SYT9: variants seen among roughly 807,000 people sequenced by gnomAD.
SYT9 encodes the protein synaptotagmin 9, also known as synaptotagmin-9.
Under a neutral mutation model 48.4 loss-of-function variants are expected in SYT9, and 22 were observed. The ratio of observed to expected loss-of-function variants is 0.45; its 90% confidence interval spans 0.32 to 0.65. The LOEUF (loss-of-function observed/expected upper bound fraction) is 0.65. Ranked by LOEUF, SYT9 falls within the 30% of genes least tolerant of loss-of-function variation. The pLI, the probability that SYT9 is intolerant of heterozygous loss-of-function variation, is 0.03. For missense variants in SYT9, 577 were observed against 622.0 expected (o/e 0.93, Z 0.77); for synonymous variants, 265 against 245.0 (o/e 1.08, Z -0.76).
chr11:7,282,167 C>G (rs1384161646), intron 1 of SYT9, among the ~76,000 whole-genome samples: 3 of 152,100 alleles, frequency 2.0e-5, no homozygotes, highest in African/African-American at 4.8e-5. Context: ...TCCACTCATT[C>G]CAGGTTAGGG....
At chr11:7,282,802 G>A (rs1281274261) in intron 1 of SYT9, among the ~76,000 whole-genome samples, 5 of 152,024 alleles carry the variant, frequency 3.3e-5, no homozygotes, top group Non-Finnish European at 5.9e-5. Context: ...AATTTGGAAT[G>A]TTTCAGCCTC....
chr11:7,281,533 G>A (rs16924319), intron 1 of SYT9, among the ~76,000 whole-genome samples: 6,369 of 152,242 alleles, frequency 0.042, 177 homozygotes, highest in East Asian at 0.1. Context: ...TCTGTAAAAG[G>A]GTATTCAGTT....
chr11:7,406,030 T>C (rs1450543183), intron 3 of SYT9, among the ~76,000 whole-genome samples: 1 of 152,158 alleles, frequency 6.6e-6, no homozygotes, highest in Non-Finnish European at 1.5e-5. Context: ...AGAGCTTACA[T>C]TCCTTTTTTT....
intron 3 of SYT9, among the ~76,000 whole-genome samples, chr11:7,330,251 CA>C (rs1337767488): frequency 6.6e-6 from 1 of 152,028 alleles, no homozygotes; most frequent in African/African-American, 2.4e-5. Flanking sequence ...CACACAATAG[CA>C]TGGATGGATA....
intron 1 of SYT9, among the ~76,000 whole-genome samples, chr11:7,265,022 CT>C (rs1848152448): frequency 6.6e-6 from 1 of 152,080 alleles, no homozygotes; most frequent in South Asian, 2.1e-4. Flanking sequence ...TTAATTTTTA[CT>C]TAAGCAGAAG....
intron 1 of SYT9, among the ~76,000 whole-genome samples, chr11:7,270,673 C>T (rs1415326503): frequency 6.6e-6 from 1 of 152,176 alleles, no homozygotes; most frequent in Non-Finnish European, 1.5e-5. Flanking sequence ...TTAATATCTT[C>T]TGATTTAACA....
upstream of SYT9, among the ~76,000 whole-genome samples, chr11:7,250,258 T>G (rs1847843296): frequency 6.6e-6 from 1 of 152,256 alleles, no homozygotes; most frequent in Non-Finnish European, 1.5e-5. Context: ...TTTTCAAATT[T>G]GGATGTTTCT....
intron 2 of SYT9, 71 bp downstream of exon 2, chr11:7,303,461 C>T: frequency 7.6e-7 from 1 of 1,317,730 alleles, no homozygotes; most frequent in Non-Finnish European, 1.0e-6. Context: ...AACAATAGCA[C>T]TGATAGGTCA....
At chr11:7,398,880 A>G (rs757706956) in intron 3 of SYT9, among the ~76,000 whole-genome samples, 2 of 152,130 alleles carry the variant, frequency 1.3e-5, no homozygotes, top group African/African-American at 2.4e-5. Context: ...TTTAGCTGTG[A>G]TGTGTCTTCT....
At position 7,449,933 on chromosome 11, in the gene SYT9, G is replaced by A. The variant is rs185239835; in HGVS notation, c.1468-16859G>A. ...CTGCCCAACTACCACCCCCTCCCCTGTGCCCAGCTAACTTCTCAACTCCTG... is the reference window on the plus strand; with the variant it reads ...CTGCCCAACTACCACCCCCTCCCCTATGCCCAGCTAACTTCTCAACTCCTG... On this transcript the variant is annotated intron_variant, in intron 6 of 6. Transcript: ENST00000318881. 1.4e-4 allele frequency among the ~76,000 whole-genome samples: 21 copies of A among 151,990 alleles called. No individual in the cohort carries two copies. In the East Asian group the frequency reaches 4.1e-3, roughly 29 times the overall value.
Position 7,313,303 on chromosome 11 carries a change from T to C in SYT9, c.498-92T>C, listed in dbSNP as rs1335646693. On this transcript the variant is annotated intron_variant, in intron 2 of 6. Coordinates refer to ENST00000318881, the MANE Select transcript of SYT9 (RefSeq NM_175733.4). ...CCACAGATCTAAGCTCCTGACAAAA[T>C]ATAACAGTCTACCTACATCCCAGGC... 4 of 1,335,202 alleles carry C rather than the reference T, an allele frequency of 3.0e-6. No homozygotes were observed. In the African/African-American group the frequency reaches 6.0e-5, roughly 20 times the overall value. 82.7% of individuals were successfully genotyped at this position (1,335,202 alleles called of 1,614,324 possible). A position where few individuals can be genotyped will look rare whatever the true frequency, so the allele number is the denominator to read the frequency against.
chr11:7,441,171 C>T (rs1847823349), intron 6 of SYT9: 1 of 152,252 alleles, frequency 6.6e-6, no homozygotes, highest in Non-Finnish European at 1.5e-5. Flanking sequence ...ATGTGCTATA[C>T]ATGCCTGAAG....
chr11:7,430,023 A>G (rs190677631), intron 6 of SYT9, among the ~76,000 whole-genome samples: 23 of 152,294 alleles, frequency 1.5e-4, no homozygotes, highest in African/African-American at 5.3e-4. Context: ...GATCAGTCAC[A>G]TAGCTGTCCT....
chr11:7,375,789 T>G (rs60865430), intron 3 of SYT9, among the ~76,000 whole-genome samples: 5,814 of 152,078 alleles, frequency 0.038, 399 homozygotes, highest in African/African-American at 0.13. Context: ...TGCTGAAGTT[T>G]CTTATCAGCT....
intron 3 of SYT9, among the ~76,000 whole-genome samples, chr11:7,343,344 C>T (rs934897444): frequency 6.6e-6 from 1 of 152,168 alleles, no homozygotes; most frequent in South Asian, 2.1e-4. Flanking sequence ...ACCCGAGTCA[C>T]CTCTTGAATG....
At chr11:7,243,785 A>G (rs952846143) in intron 1 of SYT9, among the ~76,000 whole-genome samples, 1 of 152,082 alleles carries the variant, frequency 6.6e-6, no homozygotes, top group East Asian at 1.9e-4. Context: ...GGCTAGTTGG[A>G]TAGTCTACAA....
intron 6 of SYT9, among the ~76,000 whole-genome samples, chr11:7,462,747 A>AAATC (rs1371728891): frequency 6.6e-6 from 1 of 152,238 alleles, no homozygotes; most frequent in Non-Finnish European, 1.5e-5. Flanking sequence ...TAATAAGATT[A>AAATC]AATCATGTAA....
At chr11:7,448,268 A>ATTTATTCTGGGATTTAT (rs1847973369) in intron 6 of SYT9, among the ~76,000 whole-genome samples, 2 of 152,250 alleles carry the variant, frequency 1.3e-5, no homozygotes, top group African/African-American at 4.8e-5. Flanking sequence ...ATCTGGTTCT[A>ATTTATTCTGGGATTTAT]TCTGGGATTT....
intron 1 of SYT9, among the ~76,000 whole-genome samples, chr11:7,263,697 CAACCAAG>C (rs1321500990): frequency 6.6e-6 from 1 of 152,096 alleles, no homozygotes; most frequent in African/African-American, 2.4e-5. Context: ...AGTAAGATGA[CAACCAAG>C]AACTGACCAT....
Sources: gnomAD v4.1 joint callset for allele counts (sites outside exome capture counted in the v4.1 genomes callset) on GRCh38, gnomAD v4.1.1 for gene constraint, MANE v1.5 for transcripts, NCBI Gene and HGNC (gene_info 2026-07-23, HGNC 2026-07-21) for gene names.